Variants in PIP5K1B observed in about 807,000 individuals in gnomAD.
PIP5K1B encodes phosphatidylinositol 4-phosphate 5-kinase type-1 beta.
Under a neutral mutation model 67.0 loss-of-function variants are expected in PIP5K1B, and 42 were observed. That is an observed-to-expected ratio of 0.63 (90% confidence interval 0.49 to 0.81). The LOEUF is 0.81. Among genes scored for constraint, PIP5K1B ranks in the 30% least tolerant of loss-of-function variants. PIP5K1B has a pLI of 0.00. For missense variants in PIP5K1B, 459 were observed against 646.3 expected (o/e 0.71, Z 3.14); for synonymous variants, 214 against 231.4 (o/e 0.92, Z 0.68).
At chr9:68,860,594 G>A (rs896714325) in intron 4 of PIP5K1B, among the ~76,000 whole-genome samples, 2 of 152,138 alleles carry the variant, frequency 1.3e-5, no homozygotes, top group Non-Finnish European at 1.5e-5. Flanking sequence ...GAGAACTTCC[G>A]ACTTTGATTC....
chr9:68,762,759 G>A (rs528295718), intron 2 of PIP5K1B, among the ~76,000 whole-genome samples: 2 of 152,208 alleles, frequency 1.3e-5, no homozygotes, highest in South Asian at 4.1e-4. Flanking sequence ...CACATTTATT[G>A]TGATCTCTGT....
At chr9:68,792,450 ATG>A (rs1457801694) in intron 2 of PIP5K1B, among the ~76,000 whole-genome samples, 1 of 128,938 alleles carries the variant, frequency 7.8e-6, no homozygotes, top group Non-Finnish European at 1.7e-5. Context: ...ACTGTGGCAC[ATG>A]TGTTTTTTTG....
At chr9:68,883,984 C>T (rs1006678219) in intron 6 of PIP5K1B, among the ~76,000 whole-genome samples, 2 of 152,112 alleles carry the variant, frequency 1.3e-5, no homozygotes, top group Non-Finnish European at 2.9e-5. Flanking sequence ...TACCTCACAT[C>T]ATAAACAAGA....
intron 12 of PIP5K1B, among the ~76,000 whole-genome samples, chr9:68,927,396 T>C (rs575545704): frequency 7.2e-5 from 11 of 152,360 alleles, no homozygotes; most frequent in Admixed American, 3.9e-4. Context: ...CAGCAACATA[T>C]ACGAGTTCCA....
At chr9:68,950,782 C>A (rs1212517077) in intron 14 of PIP5K1B, among the ~76,000 whole-genome samples, 1 of 152,206 alleles carries the variant, frequency 6.6e-6, no homozygotes, top group African/African-American at 2.4e-5. Flanking sequence ...GAAAGTTGGT[C>A]CCGACATCCT....
intron 14 of PIP5K1B, among the ~76,000 whole-genome samples, chr9:68,955,490 TG>T (rs936800638): frequency 6.6e-6 from 1 of 152,232 alleles, no homozygotes; most frequent in African/African-American, 2.4e-5. Flanking sequence ...ATTCATTTCC[TG>T]GCCTCCCGTG....
At chr9:68,882,340 G>A (rs1363494862) in intron 6 of PIP5K1B, among the ~76,000 whole-genome samples, 2 of 152,234 alleles carry the variant, frequency 1.3e-5, no homozygotes, top group African/African-American at 2.4e-5. Flanking sequence ...CTCCTGTTCA[G>A]TATCATAATC....
At chr9:68,778,966 C>T (rs916740484) in intron 2 of PIP5K1B, among the ~76,000 whole-genome samples, 1 of 152,134 alleles carries the variant, frequency 6.6e-6, no homozygotes, top group African/African-American at 2.4e-5. Context: ...CTCTAATTGT[C>T]CCCTGACTTC....
At chr9:68,846,244 T>G (rs750450089) in intron 4 of PIP5K1B, among the ~76,000 whole-genome samples, 72 of 152,352 alleles carry the variant, frequency 4.7e-4, no homozygotes, top group Non-Finnish European at 8.5e-4. Flanking sequence ...TATTAATGTT[T>G]CAGATTGTTT....
chr9:68,956,213 G>A (rs1828382626), intron 14 of PIP5K1B, among the ~76,000 whole-genome samples: 1 of 152,246 alleles, frequency 6.6e-6, no homozygotes, highest in South Asian at 2.1e-4. Flanking sequence ...GCTCATGCCT[G>A]TAATCCCAGC....
intron 14 of PIP5K1B, among the ~76,000 whole-genome samples, chr9:68,949,783 GGAA>G (rs1419739330): frequency 1.2e-4 from 19 of 152,360 alleles, no homozygotes; most frequent in African/African-American, 4.3e-4. Context: ...GACACGTGGT[GGAA>G]GAAGATTTAT....
At chr9:68,831,267 A>T (rs1449802751) in intron 4 of PIP5K1B, among the ~76,000 whole-genome samples, 3 of 152,218 alleles carry the variant, frequency 2.0e-5, no homozygotes, top group African/African-American at 7.2e-5. Flanking sequence ...AATTATTACC[A>T]ATCAAAAGCA....
At chr9:68,989,010 G>A (rs1450588398) in intron 14 of PIP5K1B, among the ~76,000 whole-genome samples, 1 of 139,980 alleles carries the variant, frequency 7.1e-6, no homozygotes, top group Non-Finnish European at 1.5e-5. Flanking sequence ...CAGGAGAATC[G>A]CTTGAGCCCA....
chr9:68,712,538 C>T (rs1431983154), intron 1 of PIP5K1B, among the ~76,000 whole-genome samples: 1 of 152,174 alleles, frequency 6.6e-6, no homozygotes, highest in Non-Finnish European at 1.5e-5. Context: ...TAGTGTTTGG[C>T]ACATGGTAGG....
intron 4 of PIP5K1B, among the ~76,000 whole-genome samples, chr9:68,849,176 TCAC>T (rs1822350600): frequency 6.6e-6 from 1 of 152,202 alleles, no homozygotes; most frequent in Admixed American, 6.5e-5. Context: ...AGGATATTCA[TCAC>T]CACATTATTT....
At chr9:68,953,328 C>T (rs1343568319) in intron 14 of PIP5K1B, among the ~76,000 whole-genome samples, 1 of 151,796 alleles carries the variant, frequency 6.6e-6, no homozygotes, top group Non-Finnish European at 1.5e-5. Context: ...TGTAATTTCT[C>T]TTTTTTCCTG....
At chr9:68,738,158 G>A (rs1265514787) in intron 1 of PIP5K1B, among the ~76,000 whole-genome samples, 2 of 152,166 alleles carry the variant, frequency 1.3e-5, no homozygotes, top group Non-Finnish European at 2.9e-5. Flanking sequence ...AAATTCATAT[G>A]TATGTGGCTG....
chr9:68,893,792 C>G (rs1824939086), intron 7 of PIP5K1B, among the ~76,000 whole-genome samples: 1 of 152,136 alleles, frequency 6.6e-6, no homozygotes, highest in Non-Finnish European at 1.5e-5. Context: ...ACTAAAAATA[C>G]ATAAGTAATC....
intron 2 of PIP5K1B, among the ~76,000 whole-genome samples, chr9:68,786,621 C>CCAG (rs1831632987): frequency 6.7e-6 from 1 of 149,098 alleles, no homozygotes; most frequent in African/African-American, 2.5e-5. Context: ...AAGGAACATA[C>CCAG]CAGGAAGTTT....
Sources: allele counts gnomAD v4.1 joint callset (sites outside exome capture counted in the v4.1 genomes callset), GRCh38; gene constraint gnomAD v4.1.1; transcripts MANE v1.5; gene names NCBI Gene and HGNC (gene_info 2026-07-23, HGNC 2026-07-21).